Variants in SOBP observed in about 807,000 individuals in gnomAD.
SOBP encodes sine oculis-binding protein homolog.
A neutral mutation model predicts 53.6 loss-of-function variants in SOBP; 4 were observed. The observed-to-expected ratio is 0.07, with a 90% CI of 0.04 to 0.17. SOBP has a LOEUF of 0.17. Among genes scored for constraint, SOBP ranks in the 10% least tolerant of loss-of-function variants. The pLI is 1.00. For synonymous variants in SOBP, 584 were observed against 522.6 expected, an observed-to-expected ratio of 1.12 and a Z score of -1.60; for missense variants, 1,088 against 1,204.7, an observed-to-expected ratio of 0.90 and a Z score of 1.43.
intron 4 of SOBP, among the ~76,000 whole-genome samples, chr6:107,577,160 T>G (rs1785249264): frequency 6.6e-6 from 1 of 152,220 alleles, no homozygotes; most frequent in Non-Finnish European, 1.5e-5. Context: ...TGTACATGTG[T>G]GACATGGCAG....
chr6:107,583,730 C>T (rs1461742596), intron 4 of SOBP, among the ~76,000 whole-genome samples: 3 of 151,928 alleles, frequency 2.0e-5, no homozygotes, highest in Non-Finnish European at 2.9e-5. Flanking sequence ...ATGGGGTCTC[C>T]CTGTGTTGCC....
At chr6:107,533,296 AGAG>A (rs1200460004) in intron 3 of SOBP, among the ~76,000 whole-genome samples, 160 bp from the exon 4 acceptor site, 6 of 144,710 alleles carry the variant, frequency 4.1e-5, no homozygotes, top group East Asian at 2.1e-4. Flanking sequence ...AAAAAAAAAA[AGAG>A]AGAGAGAAAG....
intron 1 of SOBP, among the ~76,000 whole-genome samples, chr6:107,496,692 A>G (rs1782706653): frequency 6.6e-6 from 1 of 152,190 alleles, no homozygotes; most frequent in African/African-American, 2.4e-5. Context: ...GGTTCAGTAT[A>G]TAAAGTCTGC....
chr6:107,523,545 GCT>G (rs1182133695), intron 3 of SOBP, among the ~76,000 whole-genome samples: 1 of 152,240 alleles, frequency 6.6e-6, no homozygotes, highest in Non-Finnish European at 1.5e-5. Context: ...AACAAGCAGT[GCT>G]CTCTCTGAGT....
At chr6:107,585,981 A>T (rs1432616301) in intron 4 of SOBP, among the ~76,000 whole-genome samples, 1 of 152,172 alleles carries the variant, frequency 6.6e-6, no homozygotes, top group East Asian at 1.9e-4. Context: ...ACATAACAAC[A>T]GGTAGTTCTC....
chr6:107,503,025 T>C (rs1485925329), intron 1 of SOBP, among the ~76,000 whole-genome samples: 1 of 152,136 alleles, frequency 6.6e-6, no homozygotes, highest in African/African-American at 2.4e-5. Context: ...CCTTCCAAAG[T>C]GCGGGATTAC....
chr6:107,493,381 C>G (rs552692379), intron 1 of SOBP, among the ~76,000 whole-genome samples: 2 of 152,210 alleles, frequency 1.3e-5, no homozygotes, highest in South Asian at 4.1e-4. Context: ...AAACCTGAGC[C>G]CCCACCTCGG....
chr6:107,608,848 C>T (rs1786485958), intron 5 of SOBP, among the ~76,000 whole-genome samples: 1 of 152,186 alleles, frequency 6.6e-6, no homozygotes, highest in Admixed American at 6.5e-5. Context: ...CAAGGAGGAA[C>T]AGATCACATC....
intron 6 of SOBP, among the ~76,000 whole-genome samples, chr6:107,642,261 T>TG (rs147240759): frequency 0.015 from 2,202 of 148,612 alleles, 84 homozygotes; most frequent in Admixed American, 0.072. Context: ...AAAAATAGGG[T>TG]GGGGTCAGGA....
intron 4 of SOBP, among the ~76,000 whole-genome samples, chr6:107,581,346 T>C (rs1785395823): frequency 6.6e-6 from 1 of 152,066 alleles, no homozygotes; most frequent in Non-Finnish European, 1.5e-5. Context: ...CCAGAAAGAA[T>C]GGGAGTGAAG....
At chr6:107,501,108 T>C (rs1562574189) in intron 1 of SOBP, among the ~76,000 whole-genome samples, 1 of 152,206 alleles carries the variant, frequency 6.6e-6, no homozygotes, top group African/African-American at 2.4e-5. Flanking sequence ...TACCCTGACA[T>C]TTATAGTAAC....
chr6:107,529,353 C>T, intron 3 of SOBP: 1 of 638,996 alleles, frequency 1.6e-6, no homozygotes, highest in Non-Finnish European at 1.9e-6. Flanking sequence ...CATTTCATGT[C>T]ATTTCATGGC....
Position 107,634,179 on chromosome 6 carries a change from C to A in SOBP, c.1335C>A (p.Gly445=), listed in dbSNP as rs1488405703. The stretch of plus-strand genomic sequence containing the variant: ...CGCCCGGTGGCCCCAGAAACCTGGG[C>A]CCCACTTCCAGCCCCATGCACCGGC... ...GPPPGGPRNL[G]PTSSPMHRPM... The change falls in exon 6 of 7, where the codon GGC becomes GGA. Residue 445 remains glycine (G), a synonymous_variant. Transcript: ENST00000317357. This position sits in a 1 kb window ranked among gnomAD's most constrained non-coding sequence, Gnocchi z 4.5. 1 of 1,609,196 alleles carries A rather than the reference C, an allele frequency of 6.2e-7. No individual in the cohort carries two copies. Among genetic ancestry groups the A allele is most frequent in the African/African-American group, 1.3e-5 (1 of 75,012 alleles).
intron 5 of SOBP, among the ~76,000 whole-genome samples, chr6:107,592,936 A>G (rs1785809819): frequency 6.6e-6 from 1 of 152,250 alleles, no homozygotes; most frequent in African/African-American, 2.4e-5. Context: ...TAGAGGTGGC[A>G]TAATTATGCT....
At position 107,633,822 on chromosome 6, in the gene SOBP, G is replaced by C; in HGVS notation, c.978G>C (p.Pro326=). Residue 326 remains proline (P), a synonymous_variant, in exon 6 of 7, where the codon CCG becomes CCC. Coordinates refer to ENST00000317357, the MANE Select transcript of SOBP (RefSeq NM_018013.4). ...ATAGQSQGPG[P]SASTTVSPSD... ...CTGGCCAAAGCCAGGGCCCTGGCCCGTCGGCGTCCACCACCGTCTCTCCAT... is the reference window on the plus strand; with the variant it reads ...CTGGCCAAAGCCAGGGCCCTGGCCCCTCGGCGTCCACCACCGTCTCTCCAT... 1 of 1,613,924 alleles carries C rather than the reference G, an allele frequency of 6.2e-7. No homozygotes were observed. Among genetic ancestry groups the C allele is most frequent in the Non-Finnish European group, 8.5e-7 (1 of 1,179,978 alleles).
Position 107,633,611 on chromosome 6 carries a change from A to G in SOBP, c.767A>G (p.Asn256Ser). 6.2e-7 allele frequency: 1 copy of G among 1,614,248 alleles called. No homozygotes were observed. Among genetic ancestry groups the G allele is most frequent in the Non-Finnish European group, 8.5e-7 (1 of 1,180,036 alleles). ...CAGTTCTGCAGTGCAAAATGTCTCA[A>G]TCAATACAAAATGGACATTTTCTAC... ...RLQFCSAKCLNQYKMDIFYKE... is the reference protein window; with the variant it reads ...RLQFCSAKCLSQYKMDIFYKE... The change falls in exon 6 of 7, where the codon AAT (asparagine) becomes AGT (serine). Residue 256 changes from asparagine to serine, a missense_variant. This residue lies in a region of SOBP where 55 missense variants were observed against 134.3 expected (regional missense o/e 0.41). Transcript: ENST00000317357.
intron 5 of SOBP, among the ~76,000 whole-genome samples, chr6:107,607,285 A>C (rs1176203066): frequency 6.6e-6 from 1 of 152,164 alleles, no homozygotes; most frequent in Non-Finnish European, 1.5e-5. Context: ...AATTGGTGAC[A>C]ATTTGTTGCA....
At chr6:107,630,724 GACACACACAC>G (rs36145877) in intron 5 of SOBP, among the ~76,000 whole-genome samples, 1 of 148,752 alleles carries the variant, frequency 6.7e-6, no homozygotes, top group Non-Finnish European at 1.5e-5. Flanking sequence ...ATAAGGCAAG[GACACACACAC>G]ACACACACAC....
intron 3 of SOBP, among the ~76,000 whole-genome samples, chr6:107,526,273 A>G (rs1473188745): frequency 6.6e-6 from 1 of 152,142 alleles, no homozygotes; most frequent in Non-Finnish European, 1.5e-5. Flanking sequence ...ATTGAGAAAC[A>G]TTTGGGAGCT....
Sources: allele counts gnomAD v4.1 joint callset (sites outside exome capture counted in the v4.1 genomes callset), GRCh38; gene constraint gnomAD v4.1.1; regional missense constraint gnomAD v4.1.1; non-coding constraint Gnocchi (gnomAD v3.1); transcripts MANE v1.5; gene names NCBI Gene and HGNC (gene_info 2026-07-23, HGNC 2026-07-21).